Variants in ROR1 observed in about 807,000 individuals in gnomAD.
ROR1 encodes inactive tyrosine-protein kinase transmembrane receptor ROR1.
ROR1 carries 19 observed loss-of-function variants against 78.8 expected under a neutral mutation model. The ratio of observed to expected loss-of-function variants is 0.24; its 90% CI spans 0.17 to 0.35. The LOEUF is 0.35. ROR1 is among the 10% of genes least tolerant of loss of function. The probability of loss-of-function intolerance (pLI) is 1.00; values close to 1 mark genes in which losing one functional copy is unlikely to be tolerated. For synonymous variants in ROR1, 386 were observed against 433.6 expected, an observed-to-expected ratio of 0.89 and a Z score of 1.36; for missense variants, 917 against 1,177.8, an observed-to-expected ratio of 0.78 and a Z score of 3.24.
At position 63,774,440 on chromosome 1, in the gene ROR1, G is replaced by A. The variant is rs964935302; in HGVS notation, c.23G>A (p.Gly8Glu). 6.8e-6 allele frequency: 8 copies of A among 1,177,112 alleles called. No homozygotes were observed. The highest frequency in any genetic ancestry group is 6.5e-5 in the African/African-American group (4 of 61,750). The allele number at this position is 1,177,112 out of a possible 1,614,324, so 72.9% of individuals were successfully genotyped here. ...GGAATGCACCGGCCGCGCCGCCGCGGGACGCGCCCGCCGCTCCTGGCGCTG... is the reference window on the plus strand; with the variant it reads ...GGAATGCACCGGCCGCGCCGCCGCGAGACGCGCCCGCCGCTCCTGGCGCTG... MHRPRRR[G>E]TRPPLLALLA... The change falls in exon 1 of 9, where the codon GGG becomes GAG. Residue 8 changes from glycine (G) to glutamate (E), a missense_variant. Coordinates refer to ENST00000371079, the MANE Select transcript of ROR1 (RefSeq NM_005012.4). This position sits in a 1 kb window ranked among gnomAD's most constrained non-coding sequence, Gnocchi z 5.7.
intron 1 of ROR1, among the ~76,000 whole-genome samples, chr1:63,939,973 TG>T (rs1386632369): frequency 5.9e-5 from 9 of 151,750 alleles, no homozygotes; most frequent in Non-Finnish European, 1.2e-4. Flanking sequence ...GAAACATGAG[TG>T]GGAAGGGAGG....
At chr1:64,077,136 G>C (rs1482665667) in intron 4 of ROR1, among the ~76,000 whole-genome samples, 1 of 152,166 alleles carries the variant, frequency 6.6e-6, no homozygotes, top group Non-Finnish European at 1.5e-5. Flanking sequence ...TGGTTCAATA[G>C]ATAAATAATT....
intron 1 of ROR1, among the ~76,000 whole-genome samples, chr1:63,957,794 G>T (rs1202523448): frequency 6.6e-6 from 1 of 150,710 alleles, no homozygotes; most frequent in Non-Finnish European, 1.5e-5. Flanking sequence ...CCAGGCTGGA[G>T]TGCAATGGTG....
At chr1:63,821,410 G>T (rs948420221) in intron 1 of ROR1, among the ~76,000 whole-genome samples, 6 of 152,196 alleles carry the variant, frequency 3.9e-5, no homozygotes, top group Admixed American at 1.3e-4. Flanking sequence ...ATGGTTGATA[G>T]CATTTGGTAT....
chr1:63,828,620 A>T (rs774194021), intron 1 of ROR1, among the ~76,000 whole-genome samples: 3 of 152,160 alleles, frequency 2.0e-5, no homozygotes, highest in Non-Finnish European at 4.4e-5. Context: ...CTTTACATGC[A>T]TGGTTTATTT....
intron 2 of ROR1, among the ~76,000 whole-genome samples, chr1:64,042,260 G>T (rs1011703905): frequency 2.0e-5 from 3 of 152,122 alleles, no homozygotes; most frequent in Non-Finnish European, 4.4e-5. Flanking sequence ...CTCTAAGGGT[G>T]GGACCCAGGT....
Position 64,160,260 on chromosome 1 carries a change from G to C in ROR1, c.1386+1068G>C, listed in dbSNP as rs377650126. 4.0e-4 allele frequency among the ~76,000 whole-genome samples: 61 copies of C among 151,984 alleles called. No homozygotes were observed. The East Asian group carries it at 6.8e-3, about 17-fold the overall frequency. Reference sequence around the variant, plus strand: ...ATCTAATAAATGGAGTAGCGTAATTGGGCTGACACAGAGCCCTCATTTTTT... The same window carrying C: ...ATCTAATAAATGGAGTAGCGTAATTCGGCTGACACAGAGCCCTCATTTTTT... On this transcript the variant is annotated intron_variant, in intron 8 of 8. Coordinates refer to ENST00000371079, the MANE Select transcript of ROR1 (RefSeq NM_005012.4).
rs373571852 is a variant in ROR1, at chr1:64,024,243, G to T, written c.163+14867G>T. On this transcript the variant is annotated intron_variant, in intron 2 of 8. Coordinates refer to ENST00000371079, the MANE Select transcript of ROR1 (RefSeq NM_005012.4). ...TGCCTGTAATCCCAGCACTTTGAGA[G>T]GCTGAGGCAAATGGATCACCTAAGG... is the stretch of plus-strand genomic sequence containing the variant. Among the ~76,000 whole-genome samples, 32 of 152,302 alleles carry T rather than the reference G, an allele frequency of 2.1e-4. 2 individuals are homozygous for T. Among genetic ancestry groups the T allele is most frequent in the Admixed American group, 1.1e-3 (17 of 15,298 alleles).
At chr1:64,124,096 T>A (rs976502320) in intron 4 of ROR1, among the ~76,000 whole-genome samples, 9 of 152,172 alleles carry the variant, frequency 5.9e-5, no homozygotes, top group Admixed American at 3.3e-4. Context: ...TTTGCAAAAA[T>A]AATTTGTGTG....
At chr1:63,925,328 A>C (rs1257076718) in intron 1 of ROR1, among the ~76,000 whole-genome samples, 1 of 150,900 alleles carries the variant, frequency 6.6e-6, no homozygotes, top group Non-Finnish European at 1.5e-5. Context: ...CCATGTCCCT[A>C]CAAAGGACAT....
At chr1:63,790,553 C>G (rs1335147818) in intron 1 of ROR1, among the ~76,000 whole-genome samples, 2 of 152,196 alleles carry the variant, frequency 1.3e-5, no homozygotes, top group Non-Finnish European at 2.9e-5. Context: ...TCACCCTGCT[C>G]TTAATTGGCA....
At chr1:64,151,878 G>A (rs555030054) in intron 7 of ROR1, among the ~76,000 whole-genome samples, 12 of 41,414 alleles carry the variant, frequency 2.9e-4, no homozygotes, top group East Asian at 1.0e-3. Flanking sequence ...GCGACACTCC[G>A]TCTCAAAAAA....
intron 1 of ROR1, among the ~76,000 whole-genome samples, chr1:63,795,044 C>T (rs1387219724): frequency 1.3e-5 from 2 of 152,108 alleles, no homozygotes; most frequent in Non-Finnish European, 2.9e-5. Flanking sequence ...GCCTCGAATG[C>T]CATGCAGTGA....
At chr1:63,958,368 A>T (rs896670598) in intron 1 of ROR1, among the ~76,000 whole-genome samples, 7 of 152,114 alleles carry the variant, frequency 4.6e-5, no homozygotes, top group African/African-American at 1.7e-4. Flanking sequence ...TAACAATTTG[A>T]CAACGAGAAC....
rs151278530 is a variant in ROR1 at position 64,048,796 on chromosome 1, T to G, written c.164-895T>G. Among the ~76,000 whole-genome samples, 1,221 of 152,226 alleles carry G rather than the reference T, an allele frequency of 8.0e-3. 19 individuals carry two copies. Among genetic ancestry groups the G allele is most frequent in the Admixed American group, 9.8e-3 (150 of 15,288 alleles). ...AAATATACATGCAGCATGATTCCAT[T>G]TATATGAAGTTCTGAAACAGGCAAA... On this transcript the variant is annotated intron_variant, in intron 2 of 8. Coordinates refer to ENST00000371079, the MANE Select transcript of ROR1 (RefSeq NM_005012.4).
intron 4 of ROR1, among the ~76,000 whole-genome samples, chr1:64,073,780 C>T (rs978890215): frequency 6.6e-6 from 1 of 151,536 alleles, no homozygotes; most frequent in African/African-American, 2.4e-5. Flanking sequence ...CACTAATGGG[C>T]TCTACACTGG....
chr1:64,077,010 T>C (rs1647055336), intron 4 of ROR1, among the ~76,000 whole-genome samples: 1 of 152,216 alleles, frequency 6.6e-6, no homozygotes, highest in African/African-American at 2.4e-5. Flanking sequence ...TTAAACTACC[T>C]GAGCCTCAGT....
intron 4 of ROR1, among the ~76,000 whole-genome samples, chr1:64,121,681 CCA>C (rs992931497): frequency 6.6e-6 from 1 of 152,068 alleles, no homozygotes; most frequent in Non-Finnish European, 1.5e-5. Context: ...TTTATATTAT[CCA>C]CAGAGTCTGC....
At chr1:63,862,602 A>T (rs1645189067) in intron 1 of ROR1, among the ~76,000 whole-genome samples, 1 of 152,030 alleles carries the variant, frequency 6.6e-6, no homozygotes, top group South Asian at 2.1e-4. Flanking sequence ...TTAGGGAGAG[A>T]TGACCAGGTT....
Sources: gnomAD v4.1 joint callset for allele counts (sites outside exome capture counted in the v4.1 genomes callset) on GRCh38, gnomAD v4.1.1 for gene constraint, Gnocchi (gnomAD v3.1) non-coding constraint, MANE v1.5 for transcripts, NCBI Gene and HGNC (gene_info 2026-07-23, HGNC 2026-07-21) for gene names.